Variants in JARID2 observed in about 807,000 individuals in gnomAD.
JARID2 encodes the protein protein Jumonji.
JARID2 carries 21 observed loss-of-function variants against 125.6 expected under a neutral mutation model. The observed-to-expected ratio is 0.17, with a 90% CI of 0.12 to 0.24. The LOEUF (loss-of-function observed/expected upper bound fraction) is 0.24, where lower values mean the gene tolerates loss of function less well. JARID2 is among the 10% of genes least tolerant of loss of function. The pLI, the probability that JARID2 is intolerant of heterozygous loss-of-function variation, is 1.00. For synonymous variants in JARID2, 736 were observed against 661.6 expected (o/e 1.11, Z -1.73); for missense variants, 1,303 against 1,639.6 (o/e 0.79, Z 3.55).
intron 1 of JARID2, among the ~76,000 whole-genome samples, chr6:15,335,292 G>A (rs979936312): frequency 2.0e-5 from 3 of 152,044 alleles, no homozygotes; most frequent in Non-Finnish European, 4.4e-5. Flanking sequence ...TAGAGACAGG[G>A]TTTCACCGTG....
chr6:15,499,602 G>T (rs934018028), intron 7 of JARID2, among the ~76,000 whole-genome samples: 1 of 152,128 alleles, frequency 6.6e-6, no homozygotes, highest in African/African-American at 2.4e-5. Context: ...ACCTGCCCTC[G>T]GAGGAAGAAC....
intron 2 of JARID2, among the ~76,000 whole-genome samples, chr6:15,400,046 G>T (rs1351907058): frequency 2.6e-5 from 4 of 152,198 alleles, no homozygotes; most frequent in Admixed American, 6.5e-5. Flanking sequence ...GCCCTCAGTT[G>T]GACTCCTGCC....
At chr6:15,501,508 A>G (rs1770733274) in intron 8 of JARID2, 99 bp downstream of exon 8, 3 of 1,219,832 alleles carry the variant, frequency 2.5e-6, no homozygotes, top group Non-Finnish European at 3.3e-6. Flanking sequence ...GTGTTCTCTG[A>G]TTCCCTGGGG....
At chr6:15,500,809 C>A in intron 7 of JARID2, 98 bp from the exon 8 acceptor site, 1 of 1,056,124 alleles carries the variant, frequency 9.5e-7, no homozygotes, top group Non-Finnish European at 1.4e-6. Context: ...AGAGTCCTGG[C>A]TCATAGTAGG....
At chr6:15,387,532 C>G (rs1764835272) in intron 2 of JARID2, among the ~76,000 whole-genome samples, 1 of 152,112 alleles carries the variant, frequency 6.6e-6, no homozygotes, top group Non-Finnish European at 1.5e-5. Context: ...CTTATTTACC[C>G]TCGATCACCT....
chr6:15,337,340 C>T (rs993277649), intron 1 of JARID2, among the ~76,000 whole-genome samples: 2 of 152,222 alleles, frequency 1.3e-5, no homozygotes, highest in Admixed American at 1.3e-4. Flanking sequence ...ACCAGATGTT[C>T]CTAGAGGTGC....
chr6:15,463,896 T>G (rs1768582679), intron 4 of JARID2, among the ~76,000 whole-genome samples: 1 of 152,260 alleles, frequency 6.6e-6, no homozygotes, highest in Non-Finnish European at 1.5e-5. Context: ...GTTTGAAATA[T>G]CCTTTCTTTC....
At chr6:15,487,818 C>T (rs1769955594) in intron 6 of JARID2, among the ~76,000 whole-genome samples, 1 of 150,964 alleles carries the variant, frequency 6.6e-6, no homozygotes, top group Non-Finnish European at 1.5e-5. Context: ...TCCCACCCAC[C>T]CACCCTGGGC....
chr6:15,335,169 G>A (rs1231699890), intron 1 of JARID2, among the ~76,000 whole-genome samples: 1 of 151,532 alleles, frequency 6.6e-6, no homozygotes, highest in Non-Finnish European at 1.5e-5. Flanking sequence ...GCTTGATTTC[G>A]GCTCACTGCA....
At position 15,504,482 on chromosome 6, in the gene JARID2, T is replaced by A; in HGVS notation, c.2449-18T>A. The A allele has an allele frequency of 6.3e-7, 1 of 1,588,054 alleles. No homozygotes were observed. The highest frequency in any genetic ancestry group is 1.7e-5 in the Admixed American group (1 of 59,990). On this transcript the variant is annotated intron_variant, in intron 8 of 17. Transcript: ENST00000341776. Reference sequence around the variant, plus strand: ...CAGCTTTGCTTCTGAAGCTTTACTGTTTTTTGTTTTGTTTCAGGGAAGGTC... The same window carrying A: ...CAGCTTTGCTTCTGAAGCTTTACTGATTTTTGTTTTGTTTCAGGGAAGGTC...
At chr6:15,282,496 A>G (rs987668032) in intron 1 of JARID2, among the ~76,000 whole-genome samples, 3 of 151,280 alleles carry the variant, frequency 2.0e-5, no homozygotes, top group African/African-American at 7.3e-5. Flanking sequence ...CCACTATTAT[A>G]TTGGGTTGTT....
At chr6:15,400,770 C>G in intron 2 of JARID2, 2 of 984,592 alleles carry the variant, frequency 2.0e-6, no homozygotes, top group African/African-American at 3.5e-5. Context: ...TCCCCTCCCC[C>G]TCGGCCCCAT....
chr6:15,308,010 C>G (rs760578461), intron 1 of JARID2, among the ~76,000 whole-genome samples: 6 of 152,176 alleles, frequency 3.9e-5, no homozygotes, highest in African/African-American at 9.7e-5. Context: ...TCAAAACTTT[C>G]GAGTTTCCAT....
At chr6:15,425,344 A>G (rs1333307792) in intron 3 of JARID2, among the ~76,000 whole-genome samples, 1 of 152,216 alleles carries the variant, frequency 6.6e-6, no homozygotes, top group East Asian at 1.9e-4. Context: ...AGATGCAGCT[A>G]CATATGATTG....
At position 15,513,313 on chromosome 6, in the gene JARID2, A is replaced by G; in HGVS notation, c.3341A>G (p.Asp1114Gly). ...LHSSARYGSH[D>G]GSSTVADGKK... is the part of the protein sequence containing the mutation. ...TCCTCCGCACGCTATGGCAGCCACGATGGCAGCAGCACGGTGGCGGACGGG... is the reference window on the plus strand; with the variant it reads ...TCCTCCGCACGCTATGGCAGCCACGGTGGCAGCAGCACGGTGGCGGACGGG... Residue 1114 changes from aspartate (D) to glycine (G), a missense_variant, in exon 16 of 18, where the codon GAT (aspartate) becomes GGT (glycine). This residue lies in a region of JARID2 where 190 missense variants were observed against 341.4 expected (regional missense o/e 0.56). Coordinates refer to ENST00000341776, the MANE Select transcript of JARID2 (RefSeq NM_004973.4). The G allele has an allele frequency of 1.2e-6, 2 of 1,609,378 alleles. No homozygotes were observed. The highest frequency in any genetic ancestry group is 1.7e-6 in the Non-Finnish European group (2 of 1,178,362).
intron 1 of JARID2, among the ~76,000 whole-genome samples, chr6:15,328,197 C>G (rs1021802272): frequency 1.3e-5 from 2 of 151,872 alleles, no homozygotes; most frequent in Admixed American, 6.6e-5. Flanking sequence ...TTCTGAGGTC[C>G]GAAGAAGCAA....
chr6:15,489,879 C>T (rs772845842), intron 6 of JARID2, among the ~76,000 whole-genome samples: 3 of 152,196 alleles, frequency 2.0e-5, no homozygotes, highest in Non-Finnish European at 2.9e-5. Flanking sequence ...CTCCCTCTTC[C>T]CTCTCCTCCT....
intron 1 of JARID2, among the ~76,000 whole-genome samples, chr6:15,281,533 C>T (rs1760749394): frequency 6.6e-6 from 1 of 152,230 alleles, no homozygotes; most frequent in African/African-American, 2.4e-5. Context: ...TATTTACCTG[C>T]ATACATGCAT....
chr6:15,296,590 T>C (rs1249534879), intron 1 of JARID2, among the ~76,000 whole-genome samples: 2 of 152,204 alleles, frequency 1.3e-5, no homozygotes, highest in East Asian at 1.9e-4. Context: ...CATTTGAGAA[T>C]ATGTTGCAAA....
Sources: allele counts gnomAD v4.1 joint callset (sites outside exome capture counted in the v4.1 genomes callset), GRCh38; gene constraint gnomAD v4.1.1; regional missense constraint gnomAD v4.1.1; transcripts MANE v1.5; gene names NCBI Gene and HGNC (gene_info 2026-07-23, HGNC 2026-07-21).